Variants in DOCK1 observed in about 807,000 individuals in gnomAD.
DOCK1 encodes dedicator of cytokinesis 1.
Under a neutral mutation model 262.7 loss-of-function variants are expected in DOCK1, and 138 were observed. That is an observed-to-expected ratio of 0.53 (90% CI 0.46 to 0.61). The LOEUF is 0.61. Ranked by LOEUF, DOCK1 falls within the 20% of genes least tolerant of loss-of-function variation. The pLI, the probability that DOCK1 is intolerant of heterozygous loss-of-function variation, is 0.00. For synonymous variants in DOCK1, 866 were observed against 867.4 expected, an observed-to-expected ratio of 1.00 and a Z score of 0.03; for missense variants, 1,908 against 2,370.7, an observed-to-expected ratio of 0.80 and a Z score of 4.05.
chr10:127,164,242 G>T (rs1275276710), intron 27 of DOCK1, among the ~76,000 whole-genome samples: 2 of 131,452 alleles, frequency 1.5e-5, no homozygotes, highest in Non-Finnish European at 3.1e-5. Flanking sequence ...GGAGTGCAGA[G>T]GTGCGATCTG....
chr10:127,153,814 C>T, intron 27 of DOCK1: 1 of 1,474,372 alleles, frequency 6.8e-7, no homozygotes, highest in Non-Finnish European at 9.5e-7. Flanking sequence ...ATTTGTCACT[C>T]ATAATAAGAA....
chr10:127,323,830 C>T (rs563244955), intron 29 of DOCK1, among the ~76,000 whole-genome samples: 1 of 152,348 alleles, frequency 6.6e-6, no homozygotes, highest in East Asian at 1.9e-4. Context: ...CCTTCTCCTT[C>T]ATGGGAAGAA....
chr10:126,986,777 G>A (rs543595717), intron 4 of DOCK1, among the ~76,000 whole-genome samples: 1 of 152,318 alleles, frequency 6.6e-6, no homozygotes, highest in East Asian at 1.9e-4. Flanking sequence ...GGGCATGGTG[G>A]TGGGCACCTG....
chr10:127,193,400 CGTG>C (rs1252345734), intron 27 of DOCK1, among the ~76,000 whole-genome samples: 4 of 152,150 alleles, frequency 2.6e-5, no homozygotes, highest in Non-Finnish European at 5.9e-5. Flanking sequence ...CGTTAAAATC[CGTG>C]GTGAACCTGT....
chr10:127,169,549 C>A (rs1172066704), intron 27 of DOCK1, among the ~76,000 whole-genome samples: 1 of 152,214 alleles, frequency 6.6e-6, no homozygotes, highest in Non-Finnish European at 1.5e-5. Flanking sequence ...TGGCCCAAAT[C>A]TGGCTACCAC....
chr10:127,026,059 C>CAAAAAAAAA (rs71490104), intron 15 of DOCK1: 21,679 of 226,874 alleles, frequency 0.096, 914 homozygotes, highest in Admixed American at 0.17. Context: ...AACTCTGTAT[C>CAAAAAAAAA]AAAAAAAAAA....
chr10:127,204,061 C>T (rs1239517599), intron 27 of DOCK1, among the ~76,000 whole-genome samples: 1 of 152,022 alleles, frequency 6.6e-6, no homozygotes, highest in Non-Finnish European at 1.5e-5. Flanking sequence ...CCCTGTATCT[C>T]GGCAGTCACA....
intron 30 of DOCK1, among the ~76,000 whole-genome samples, chr10:127,342,844 T>C (rs2063491457): frequency 6.6e-6 from 1 of 152,256 alleles, no homozygotes; most frequent in African/African-American, 2.4e-5. Context: ...TTGATCTCTT[T>C]ACATTTGTTT....
At chr10:127,037,539 G>A (rs2043721105) in intron 18 of DOCK1, among the ~76,000 whole-genome samples, 180 bp from the exon 19 acceptor site, 2 of 152,324 alleles carry the variant, frequency 1.3e-5, no homozygotes, top group South Asian at 2.1e-4. Flanking sequence ...GAATTCAAGT[G>A]TACTAGGTGT....
At chr10:127,406,447 G>T (rs185879972) in intron 40 of DOCK1, among the ~76,000 whole-genome samples, 20 of 152,210 alleles carry the variant, frequency 1.3e-4, no homozygotes, top group African/African-American at 3.9e-4. Context: ...TGACTTTCCC[G>T]CCACACCTGG....
At chr10:127,385,997 A>G (rs1230950773) in intron 38 of DOCK1, among the ~76,000 whole-genome samples, 2 of 152,178 alleles carry the variant, frequency 1.3e-5, no homozygotes, top group East Asian at 3.9e-4. Flanking sequence ...ATCAGGGGTT[A>G]GGACTTTAAA....
chr10:126,956,762 C>G (rs2036775073), intron 1 of DOCK1, among the ~76,000 whole-genome samples: 1 of 152,140 alleles, frequency 6.6e-6, no homozygotes, highest in African/African-American at 2.4e-5. Context: ...TGTTGCTTGT[C>G]AGGGCACAGA....
chr10:127,046,324 G>A (rs1459650326), intron 21 of DOCK1, among the ~76,000 whole-genome samples: 8 of 152,172 alleles, frequency 5.3e-5, no homozygotes, highest in African/African-American at 9.7e-5. Context: ...GATGGACACC[G>A]TAGCAGGAGG....
intron 27 of DOCK1, among the ~76,000 whole-genome samples, chr10:127,177,729 A>T (rs182422361): frequency 1.3e-5 from 2 of 152,362 alleles, no homozygotes; most frequent in East Asian, 3.9e-4. Flanking sequence ...CTCATTGGAA[A>T]ATGCCACAAG....
At chr10:126,939,751 G>A (rs1026103386) in intron 1 of DOCK1, among the ~76,000 whole-genome samples, 1 of 152,226 alleles carries the variant, frequency 6.6e-6, no homozygotes, top group African/African-American at 2.4e-5. Flanking sequence ...GTAGTTCAGG[G>A]AAGTGGATTA....
At chr10:127,297,574 A>G (rs375629492) in intron 29 of DOCK1, among the ~76,000 whole-genome samples, 36 of 152,346 alleles carry the variant, frequency 2.4e-4, no homozygotes, top group Admixed American at 8.5e-4. Flanking sequence ...ATGTGTTTTC[A>G]TCACGTTTTC....
chr10:127,353,048 G>T (rs906274668), intron 31 of DOCK1, among the ~76,000 whole-genome samples: 1 of 152,132 alleles, frequency 6.6e-6, no homozygotes, highest in Non-Finnish European at 1.5e-5. Flanking sequence ...GGCGCAGGGG[G>T]TGTTTGTGTT....
At chr10:127,411,696 C>A (rs1054951716) in intron 43 of DOCK1, among the ~76,000 whole-genome samples, 2 of 152,000 alleles carry the variant, frequency 1.3e-5, no homozygotes, top group Non-Finnish European at 2.9e-5. Context: ...CAACATTAGC[C>A]GGGCGTGGTG....
At chr10:126,927,388 G>A (rs79959230) in intron 1 of DOCK1, among the ~76,000 whole-genome samples, 612 of 152,228 alleles carry the variant, frequency 4.0e-3, no homozygotes, top group Non-Finnish European at 6.8e-3. Context: ...GTTAGAGGCC[G>A]AGCTGATGAT....
Sources: allele counts gnomAD v4.1 joint callset (sites outside exome capture counted in the v4.1 genomes callset), GRCh38; gene constraint gnomAD v4.1.1; transcripts MANE v1.5; gene names NCBI Gene and HGNC (gene_info 2026-07-23, HGNC 2026-07-21).